Variants in IMMP2L observed in about 807,000 individuals in gnomAD.
The protein encoded by IMMP2L is inner mitochondrial membrane peptidase subunit 2.
Under a neutral mutation model 19.3 loss-of-function variants are expected in IMMP2L, and 18 were observed. The observed-to-expected ratio is 0.93, with a 90% CI of 0.64 to 1.38. IMMP2L has a LOEUF of 1.38. IMMP2L is among the 40% of genes most tolerant of loss of function. IMMP2L has a pLI of 0.00. For synonymous variants in IMMP2L, 76 were observed against 73.0 expected, an observed-to-expected ratio of 1.04 and a Z score of -0.21; for missense variants, 233 against 218.2, an observed-to-expected ratio of 1.07 and a Z score of -0.43.
At chr7:111,214,328 C>CT (rs1484229556) in intron 3 of IMMP2L, among the ~76,000 whole-genome samples, 26,825 of 84,666 alleles carry the variant, frequency 0.32, 6,979 homozygotes, top group Non-Finnish European at 0.39. Context: ...AGTAATTTTT[C>CT]TTCTTTTTTT....
intron 5 of IMMP2L, among the ~76,000 whole-genome samples, chr7:110,823,638 T>C (rs181453965): frequency 2.6e-5 from 4 of 152,186 alleles, no homozygotes; most frequent in Admixed American, 2.6e-4. Flanking sequence ...TTATAAAAGA[T>C]CAGAGTTCTT....
intron 5 of IMMP2L, among the ~76,000 whole-genome samples, chr7:110,790,910 T>C (rs1430257177): frequency 6.6e-6 from 1 of 151,394 alleles, no homozygotes; most frequent in Non-Finnish European, 1.5e-5. Context: ...AAGAAATACC[T>C]ATGTGTGCCA....
intron 3 of IMMP2L, among the ~76,000 whole-genome samples, chr7:111,126,179 G>A (rs1042056362): frequency 6.6e-6 from 1 of 152,062 alleles, no homozygotes; most frequent in African/African-American, 2.4e-5. Context: ...TATGCTCTAG[G>A]TATAATTTTC....
At chr7:111,207,024 T>G (rs1810784960) in intron 3 of IMMP2L, among the ~76,000 whole-genome samples, 1 of 152,224 alleles carries the variant, frequency 6.6e-6, no homozygotes, top group Non-Finnish European at 1.5e-5. Flanking sequence ...TTTTTAAGAT[T>G]TTTAAGGAAA....
At chr7:110,732,899 C>T (rs1796366785) in intron 5 of IMMP2L, among the ~76,000 whole-genome samples, 1 of 151,916 alleles carries the variant, frequency 6.6e-6, no homozygotes, top group Non-Finnish European at 1.5e-5. Flanking sequence ...GATCCTCCTC[C>T]CTCAGCTTCC....
intron 3 of IMMP2L, among the ~76,000 whole-genome samples, chr7:111,476,439 T>C (rs1484173859): frequency 1.3e-5 from 2 of 152,176 alleles, no homozygotes; most frequent in Non-Finnish European, 2.9e-5. Flanking sequence ...CTTAAGATGA[T>C]TTTCTATTGG....
At chr7:111,554,880 C>T (rs995741299) in intron 1 of IMMP2L, among the ~76,000 whole-genome samples, 18 of 152,104 alleles carry the variant, frequency 1.2e-4, no homozygotes, top group African/African-American at 4.1e-4. Context: ...TCCCAAAGTA[C>T]TGGTGCTGCT....
At chr7:111,233,355 C>A (rs575314577) in intron 3 of IMMP2L, among the ~76,000 whole-genome samples, 4 of 152,132 alleles carry the variant, frequency 2.6e-5, no homozygotes, top group Admixed American at 2.6e-4. Context: ...GAAATAAAGA[C>A]CTCAAATTGC....
intron 3 of IMMP2L, among the ~76,000 whole-genome samples, chr7:111,299,866 G>A (rs552308308): frequency 4.6e-5 from 7 of 151,920 alleles, no homozygotes; most frequent in East Asian, 3.9e-4. Context: ...AAGGACTAAC[G>A]GCAATATACA....
At chr7:111,046,377 A>G (rs1204288143) in intron 3 of IMMP2L, among the ~76,000 whole-genome samples, 1 of 152,114 alleles carries the variant, frequency 6.6e-6, no homozygotes, top group Non-Finnish European at 1.5e-5. Flanking sequence ...GCTCCAACAT[A>G]TATCCAGTAG....
chr7:111,411,702 T>A (rs1357845274), intron 3 of IMMP2L: 1 of 209,564 alleles, frequency 4.8e-6, no homozygotes, highest in African/African-American at 2.3e-5. Flanking sequence ...CAGGTGCCCA[T>A]CTTCAAGGGC....
intron 3 of IMMP2L, among the ~76,000 whole-genome samples, chr7:111,178,576 C>T (rs565799947): frequency 6.6e-6 from 1 of 152,102 alleles, no homozygotes; most frequent in Non-Finnish European, 1.5e-5. Context: ...TCCTCTCAAA[C>T]CCTGTCACTG....
chr7:110,815,677 T>C (rs1410849858), intron 5 of IMMP2L, among the ~76,000 whole-genome samples: 2 of 152,190 alleles, frequency 1.3e-5, no homozygotes, highest in Non-Finnish European at 2.9e-5. Context: ...ATTCAACTTC[T>C]TCCTGGTTTA....
intron 5 of IMMP2L, among the ~76,000 whole-genome samples, chr7:110,772,312 C>T (rs1799092473): frequency 6.6e-6 from 1 of 152,082 alleles, no homozygotes; most frequent in Non-Finnish European, 1.5e-5. Context: ...CCGAGTACAA[C>T]CATCGGCCTT....
chr7:111,041,483 A>G (rs1465599998), intron 3 of IMMP2L, among the ~76,000 whole-genome samples: 2 of 151,644 alleles, frequency 1.3e-5, no homozygotes, highest in Non-Finnish European at 1.5e-5. Flanking sequence ...TCTAGTTTGC[A>G]TTCTTTTAAC....
intron 3 of IMMP2L, among the ~76,000 whole-genome samples, chr7:111,211,508 T>C (rs1023038383): frequency 6.6e-6 from 1 of 152,188 alleles, no homozygotes; most frequent in African/African-American, 2.4e-5. Context: ...ACCCAATCTA[T>C]TTAATCTGTA....
rs1301948694 is a variant in IMMP2L, at chr7:110,758,692, A to C, written c.409-94971T>G. Among the ~76,000 whole-genome samples the C allele has an allele frequency of 6.6e-6, 1 of 152,148 alleles. No individual in the cohort carries two copies. Among genetic ancestry groups the C allele is most frequent in the Non-Finnish European group, 1.5e-5 (1 of 68,012 alleles). On this transcript the variant is annotated intron_variant, in intron 5 of 5. Coordinates refer to ENST00000405709, the MANE Select transcript of IMMP2L (RefSeq NM_032549.4). The surrounding 1 kb of genome is among the most constrained non-coding windows in gnomAD (Gnocchi z 4.6). Reference sequence around the variant, plus strand: ...CGTTAGTATATAATCAAGATCTTGGAGTTTAACTCACTGTTTTGTCACTGA... The same window carrying C: ...CGTTAGTATATAATCAAGATCTTGGCGTTTAACTCACTGTTTTGTCACTGA...
chr7:110,720,440 A>G (rs965387268), intron 5 of IMMP2L, among the ~76,000 whole-genome samples: 1 of 152,190 alleles, frequency 6.6e-6, no homozygotes, highest in Non-Finnish European at 1.5e-5. Flanking sequence ...TGAAGCAACA[A>G]TATAAACAAA....
At chr7:110,688,424 A>AC (rs1417696269) in intron 5 of IMMP2L, among the ~76,000 whole-genome samples, 1 of 152,074 alleles carries the variant, frequency 6.6e-6, no homozygotes, top group African/African-American at 2.4e-5. Context: ...TCTAAACAAA[A>AC]CCAAATACTG....
Sources: gnomAD v4.1 joint callset for allele counts (sites outside exome capture counted in the v4.1 genomes callset) on GRCh38, gnomAD v4.1.1 for gene constraint, Gnocchi (gnomAD v3.1) non-coding constraint, MANE v1.5 for transcripts, NCBI Gene and HGNC (gene_info 2026-07-23, HGNC 2026-07-21) for gene names.